Variants in FBN1 observed in about 807,000 individuals in gnomAD.
FBN1 encodes the protein fibrillin 1.
In FBN1, 29 loss-of-function variants were observed where a neutral mutation model predicts 365.1. The observed-to-expected ratio is 0.08, with a 90% CI of 0.06 to 0.11. The LOEUF (loss-of-function observed/expected upper bound fraction) is 0.11, where lower values mean the gene tolerates loss of function less well. Ranked by LOEUF, FBN1 falls within the 10% of genes least tolerant of loss-of-function variation. The pLI, the probability that FBN1 is intolerant of heterozygous loss-of-function variation, is 1.00. For missense variants in FBN1, 2,476 were observed against 3,703.2 expected, an observed-to-expected ratio of 0.67 and a Z score of 8.60; for synonymous variants, 1,210 against 1,270.5, an observed-to-expected ratio of 0.95 and a Z score of 1.01.
At chr15:48,608,967 T>C (rs1426864471) in intron 4 of FBN1, among the ~76,000 whole-genome samples, 1 of 152,246 alleles carries the variant, frequency 6.6e-6, no homozygotes, top group Non-Finnish European at 1.5e-5. Context: ...TCTGGCTATA[T>C]TTCTTCCCCC....
intron 24 of FBN1, among the ~76,000 whole-genome samples, chr15:48,491,061 AT>A (rs2043554194): frequency 6.6e-6 from 1 of 152,188 alleles, no homozygotes; most frequent in Non-Finnish European, 1.5e-5. Context: ...ATTAAGATAA[AT>A]TATTTTTAAG....
intron 56 of FBN1, among the ~76,000 whole-genome samples, chr15:48,430,139 T>C (rs2043013203): frequency 6.6e-6 from 1 of 152,202 alleles, no homozygotes; most frequent in Non-Finnish European, 1.5e-5. Context: ...TGTAGGCAGT[T>C]TGCCAACTCC....
intron 4 of FBN1, among the ~76,000 whole-genome samples, chr15:48,602,812 T>C (rs554802115): frequency 3.9e-5 from 6 of 152,160 alleles, no homozygotes; most frequent in Non-Finnish European, 7.3e-5. Context: ...ATATTCTAAG[T>C]AGGTCATGAA....
intron 6 of FBN1, among the ~76,000 whole-genome samples, chr15:48,583,195 A>G (rs371774653): frequency 2.6e-5 from 4 of 152,230 alleles, no homozygotes; most frequent in Admixed American, 2.6e-4. Flanking sequence ...AGAAATACTC[A>G]TGCATGATAG....
At chr15:48,568,343 T>C (rs375593646) in intron 6 of FBN1, among the ~76,000 whole-genome samples, 2 of 151,998 alleles carry the variant, frequency 1.3e-5, no homozygotes, top group African/African-American at 4.8e-5. Flanking sequence ...GAACAAAACA[T>C]TGCCAAGATA....
intron 62 of FBN1, among the ~76,000 whole-genome samples, chr15:48,421,271 A>T (rs2042939199): frequency 6.6e-6 from 1 of 152,204 alleles, no homozygotes. Flanking sequence ...AATGAATCAA[A>T]ATCAAGTATA....
intron 58 of FBN1, among the ~76,000 whole-genome samples, chr15:48,426,701 T>A (rs1006741468): frequency 1.3e-5 from 2 of 152,168 alleles, no homozygotes; most frequent in Non-Finnish European, 2.9e-5. Context: ...ACAAGTCTAC[T>A]CTGAAGTGCA....
chr15:48,553,006 T>A (rs2044154891), intron 6 of FBN1, among the ~76,000 whole-genome samples: 1 of 152,210 alleles, frequency 6.6e-6, no homozygotes, highest in African/African-American at 2.4e-5. Flanking sequence ...TCTCCGTTAA[T>A]CCACTGTTCT....
intron 48 of FBN1, among the ~76,000 whole-genome samples, chr15:48,445,119 TACAC>T (rs563349383): frequency 7.1e-6 from 1 of 140,636 alleles, no homozygotes; most frequent in East Asian, 2.3e-4. Flanking sequence ...TATATATATA[TACAC>T]ATATATATAT....
chr15:48,497,163 T>C (rs768398978), intron 19 of FBN1, 103 bp downstream of exon 19: 3 of 1,373,262 alleles, frequency 2.2e-6, no homozygotes, highest in Non-Finnish European at 3.1e-6. Context: ...AAAGTGTCCA[T>C]TTGCCCAGTC....
At chr15:48,518,435 G>T (rs1167907966) in intron 10 of FBN1, among the ~76,000 whole-genome samples, 1 of 152,200 alleles carries the variant, frequency 6.6e-6, no homozygotes, top group Non-Finnish European at 1.5e-5. Flanking sequence ...AACTCACTTT[G>T]CTTCCAAGCA....
chr15:48,588,002 A>C (rs1476348248), intron 6 of FBN1, among the ~76,000 whole-genome samples: 1 of 152,162 alleles, frequency 6.6e-6, no homozygotes, highest in Non-Finnish European at 1.5e-5. Context: ...CTTTCTGAAG[A>C]GCTGGAGAAG....
intron 37 of FBN1, 148 bp downstream of exon 37, chr15:48,468,264 G>A: frequency 7.5e-7 from 1 of 1,341,450 alleles, no homozygotes. Flanking sequence ...TTTCCCTATG[G>A]AAAAGATATC....
chr15:48,537,918 A>T lies in FBN1; in HGVS notation c.539-110T>A. On this transcript the variant is annotated intron_variant, in intron 6 of 65. Transcript: ENST00000316623. ...GACTCCAAATTGAGAAATGAATTTC[A>T]GGGACAGAATCATGCATCACTGTCC... 8.0e-6 allele frequency: 9 copies of T among 1,123,060 alleles called. No homozygotes were observed. In the South Asian group the frequency reaches 1.2e-4, roughly 15 times the overall value. The allele number at this position is 1,123,060 out of a possible 1,614,324, so 69.6% of individuals were successfully genotyped here.
chr15:48,466,054 C>T (rs962044822), intron 38 of FBN1, among the ~76,000 whole-genome samples, 196 bp from the exon 39 acceptor site: 4 of 152,190 alleles, frequency 2.6e-5, no homozygotes, highest in African/African-American at 9.7e-5. Context: ...TATGTGTCCC[C>T]AGTGCAAGGC....
At chr15:48,479,059 T>C (rs1274468444) in intron 32 of FBN1, among the ~76,000 whole-genome samples, 2 of 152,228 alleles carry the variant, frequency 1.3e-5, no homozygotes, top group East Asian at 1.9e-4. Flanking sequence ...ATATTCCTTT[T>C]GTCTGCTTGC....
intron 25 of FBN1, among the ~76,000 whole-genome samples, chr15:48,488,971 A>C (rs1028273366): frequency 6.6e-5 from 10 of 152,168 alleles, no homozygotes; most frequent in Non-Finnish European, 1.5e-5. Context: ...TATAATTTAT[A>C]ATTTAAATTA....
chr15:48,501,668 A>G (rs2043659384), intron 17 of FBN1, among the ~76,000 whole-genome samples: 1 of 152,158 alleles, frequency 6.6e-6, no homozygotes, highest in African/African-American at 2.4e-5. Flanking sequence ...GCAAATAACT[A>G]TATGCACCAA....
At chr15:48,572,354 C>CCAAA (rs2044312481) in intron 6 of FBN1, among the ~76,000 whole-genome samples, 1 of 151,872 alleles carries the variant, frequency 6.6e-6, no homozygotes, top group Admixed American at 6.6e-5. Flanking sequence ...AAATCTCTAC[C>CCAAA]TTTGTAGGGG....
Sources: gnomAD v4.1 joint callset for allele counts (sites outside exome capture counted in the v4.1 genomes callset) on GRCh38, gnomAD v4.1.1 for gene constraint, MANE v1.5 for transcripts, NCBI Gene and HGNC (gene_info 2026-07-23, HGNC 2026-07-21) for gene names.